The following MYOM2 variants were observed in gnomAD, a reference collection of about 807,000 sequenced individuals.
The protein encoded by MYOM2 is myomesin 2, also known as myomesin-2.
MYOM2 carries 254 observed loss-of-function variants against 187.6 expected under a neutral mutation model. The observed-to-expected ratio is 1.35, with a 90% CI of 1.22 to 1.50. MYOM2 has a LOEUF of 1.50. Among genes scored for constraint, MYOM2 ranks in the 40% most tolerant of loss-of-function variants. The pLI, the probability that MYOM2 is intolerant of heterozygous loss-of-function variation, is 0.00. For synonymous variants in MYOM2, 981 were observed against 753.8 expected (o/e 1.30, Z -4.94); for missense variants, 2,796 against 1,924.0 (o/e 1.45, Z -8.48).
Position 2,143,408 on chromosome 8 carries a change from C to T in MYOM2, c.4032C>T (p.Gly1344=), listed in dbSNP as rs2116928151. Residue 1344 remains glycine, a synonymous_variant, in exon 36 of 37, where the codon GGC becomes GGT. Transcript: ENST00000262113. ...GGTGCTTTCCCGTTGCAGATCGTGG[C>T]AGGTTGATCGGCGGCTTGCCTGACG... ...KAAAFAEKNR[G]RLIGGLPDVV... 1.2e-6 allele frequency: 2 copies of T among 1,614,192 alleles called. No individual in the cohort carries two copies. The highest frequency in any genetic ancestry group is 8.5e-7 in the Non-Finnish European group (1 of 1,180,044).
At chr8:2,069,918 GT>G (rs146846722) in intron 8 of MYOM2, among the ~76,000 whole-genome samples, 18 of 150,516 alleles carry the variant, frequency 1.2e-4, no homozygotes, top group African/African-American at 2.7e-4. Flanking sequence ...TTAAGGAGAT[GT>G]TTTTTTTTTC....
At chr8:2,078,279 C>A (rs993970175) in intron 11 of MYOM2, among the ~76,000 whole-genome samples, 1 of 152,174 alleles carries the variant, frequency 6.6e-6, no homozygotes, top group African/African-American at 2.4e-5. Flanking sequence ...CCCTTGGTCT[C>A]ACAGAGTGGG....
intron 9 of MYOM2, among the ~76,000 whole-genome samples, chr8:2,073,088 C>T (rs1196462174): frequency 6.6e-6 from 1 of 152,186 alleles, no homozygotes; most frequent in Non-Finnish European, 1.5e-5. Context: ...ACAAAGCTGG[C>T]GGCCGCTCGC....
At chr8:2,122,098 A>ATT (rs1300071947) in intron 28 of MYOM2, among the ~76,000 whole-genome samples, 2 of 152,250 alleles carry the variant, frequency 1.3e-5, no homozygotes, top group East Asian at 3.8e-4. Flanking sequence ...ATTTTTTTGA[A>ATT]GAAGAGATGA....
Position 2,096,244 on chromosome 8 carries a change from C to A in MYOM2, c.2126-3C>A. ...GTAACTCCCTGGTTGTGCTTCCTTGCAGCCGTCCCGTCCCATCCTTATGGG... is the reference window on the plus strand; with the variant it reads ...GTAACTCCCTGGTTGTGCTTCCTTGAAGCCGTCCCGTCCCATCCTTATGGG... On this transcript the variant is annotated splice_region_variant and splice_polypyrimidine_tract_variant and intron_variant, in intron 17 of 36. Coordinates refer to ENST00000262113, the MANE Select transcript of MYOM2 (RefSeq NM_003970.4). 6.2e-7 allele frequency: 1 copy of A among 1,610,902 alleles called. No individual in the cohort carries two copies.
intron 32 of MYOM2, among the ~76,000 whole-genome samples, chr8:2,135,378 C>T (rs1004282058): frequency 6.6e-6 from 1 of 152,016 alleles, no homozygotes; most frequent in Non-Finnish European, 1.5e-5. Context: ...TGTTACTGTT[C>T]GTATTTTGTT....
chr8:2,100,959 A>G lies in MYOM2; in HGVS notation c.2524A>G (p.Ser842Gly), dbSNP rs1796688415. 1 of 1,614,096 alleles carries G rather than the reference A, an allele frequency of 6.2e-7. No individual in the cohort carries two copies. The highest frequency in any genetic ancestry group is 8.5e-7 in the Non-Finnish European group (1 of 1,180,038). The change falls in exon 20 of 37, where the codon AGC (serine) becomes GGC (glycine). Residue 842 changes from serine to glycine, a missense_variant. Ser to Gly is a moderately conservative substitution (Grantham distance 56). Coordinates refer to ENST00000262113, the MANE Select transcript of MYOM2 (RefSeq NM_003970.4). ...GAAGGCCCCTGTGTACTCCGGCAGC[A>G]GCCCTGTTTCTGGATATTTCGTGGA... ...LWKAPVYSGS[S>G]PVSGYFVDFR...
In MYOM2 at chr8:2,070,707, C is replaced by G. The variant is rs116747485; in HGVS notation, c.793+1210C>G. On this transcript the variant is annotated intron_variant, in intron 8 of 36. Transcript: ENST00000262113. ...CACCATGGAAGAATGCTCATGTGTTCACCACCCGTGTTTGACAGAGGGAAA... is the reference window on the plus strand; with the variant it reads ...CACCATGGAAGAATGCTCATGTGTTGACCACCCGTGTTTGACAGAGGGAAA... Among the ~76,000 whole-genome samples the G allele has an allele frequency of 2.1e-3, 313 of 152,346 alleles. 1 individual carries two copies. Among genetic ancestry groups the G allele is most frequent in the African/African-American group, 7.3e-3 (304 of 41,592 alleles).
intron 2 of MYOM2, among the ~76,000 whole-genome samples, chr8:2,051,465 G>A (rs773655754): frequency 2.6e-5 from 4 of 152,208 alleles, no homozygotes; most frequent in Non-Finnish European, 4.4e-5. Context: ...CTGATTGGAA[G>A]GCTGTGGTGA....
intron 20 of MYOM2, among the ~76,000 whole-genome samples, chr8:2,101,717 A>T (rs1796717138): frequency 1.3e-5 from 2 of 152,028 alleles, no homozygotes; most frequent in African/African-American, 4.8e-5. Context: ...TTCCAAAGGG[A>T]TGGTGCCTAT....
At chr8:2,128,812 C>T (rs1437213119) in intron 31 of MYOM2, among the ~76,000 whole-genome samples, 1 of 152,178 alleles carries the variant, frequency 6.6e-6, no homozygotes, top group East Asian at 1.9e-4. Flanking sequence ...TTGCCATGCA[C>T]TGTTGTTATT....
intron 21 of MYOM2, among the ~76,000 whole-genome samples, chr8:2,103,700 AGT>A (rs2116790800): frequency 7.0e-6 from 1 of 143,880 alleles, no homozygotes; most frequent in African/African-American, 2.6e-5. Context: ...TGAGTGGGAG[AGT>A]GTGCATGTAT....
In MYOM2 at chr8:2,100,097, C is replaced by CTTCCTTCTTTCT. The variant is rs1585905417; in HGVS notation, c.2441-772_2441-771insTTTCTTTCCTTC. On this transcript the variant is annotated intron_variant, in intron 19 of 36. Transcript: ENST00000262113. ...CCTTCCTTTCTTCTTTCCTTCCTTC[C>CTTCCTTCTTTCT]TTCCTTCCTTCTTTCTTTCCTTCCT... Among the ~76,000 whole-genome samples the CTTCCTTCTTTCT allele has an allele frequency of 1.9e-3, 170 of 89,600 alleles. 3 individuals carry two copies. The highest frequency in any genetic ancestry group is 6.9e-3 in the Middle Eastern group (1 of 144). 58.8% of individuals were successfully genotyped at this position (89,600 alleles called of 152,430 possible).
chr8:2,103,949 G>C (rs185088819), intron 21 of MYOM2, among the ~76,000 whole-genome samples: 1 of 152,254 alleles, frequency 6.6e-6, no homozygotes, highest in African/African-American at 2.4e-5. Context: ...CGGATGTCTT[G>C]CCGTTATTTT....
chr8:2,053,839 A>T (rs1198539415), intron 3 of MYOM2, among the ~76,000 whole-genome samples: 1 of 152,196 alleles, frequency 6.6e-6, no homozygotes, highest in African/African-American at 2.4e-5. Context: ...TTTCTTCAGC[A>T]GCCCCCGAGT....
rs539265774 is a variant in MYOM2, at chr8:2,124,743, C to T, written c.3694+526C>T. Among the ~76,000 whole-genome samples the T allele has an allele frequency of 8.5e-5, 13 of 152,228 alleles. No homozygotes were observed. In the South Asian group the frequency reaches 1.5e-3, roughly 17 times the overall value. On this transcript the variant is annotated intron_variant, in intron 31 of 36. Transcript: ENST00000262113. ...TCATGCACAAGTGTTCCTTTCTCTG[C>T]TTGCCAGTGTTTTATCTTTTGTCTT...
At chr8:2,107,496 A>C (rs1347637400) in intron 23 of MYOM2, among the ~76,000 whole-genome samples, 1 of 152,058 alleles carries the variant, frequency 6.6e-6, no homozygotes, top group East Asian at 1.9e-4. Flanking sequence ...AGAACATCCG[A>C]CCCAGGATCG....
In MYOM2 at chr8:2,086,391, ACTGTTGTGATCTCTG is replaced by A. The variant is rs1796057978; in HGVS notation, c.1644+1003_1644+1017del. Among the ~76,000 whole-genome samples the A allele has an allele frequency of 1.0e-4, 11 of 106,652 alleles. 1 individual carries two copies. The highest frequency in any genetic ancestry group is 2.4e-4 in the African/African-American group (5 of 21,008). 70.0% of individuals were successfully genotyped at this position (106,652 alleles called of 152,430 possible). On this transcript the variant is annotated intron_variant, in intron 14 of 36. Coordinates refer to ENST00000262113, the MANE Select transcript of MYOM2 (RefSeq NM_003970.4). ...TGTTGTGATCTCTGCGTGGCCTCCC[ACTGTTGTGATCTCTG>A]CGTGGCCTCCCACTGTTGTGATCTC...
chr8:2,128,996 C>G (rs1286437377), intron 31 of MYOM2, 131 bp from the exon 32 acceptor site: 2 of 589,778 alleles, frequency 3.4e-6, no homozygotes, highest in East Asian at 5.6e-5. Context: ...TGTGGCTGGC[C>G]GACTTTATGA....
Sources: gnomAD v4.1 joint callset for allele counts (sites outside exome capture counted in the v4.1 genomes callset) on GRCh38, gnomAD v4.1.1 for gene constraint, MANE v1.5 for transcripts, NCBI Gene and HGNC (gene_info 2026-07-23, HGNC 2026-07-21) for gene names.